CFAP20DC: variants seen among roughly 807,000 people sequenced by gnomAD.
The protein encoded by CFAP20DC is protein CFAP20DC.
Under a neutral mutation model 101.7 loss-of-function variants are expected in CFAP20DC, and 84 were observed. The ratio of observed to expected loss-of-function variants is 0.83; its 90% CI spans 0.69 to 0.99. The LOEUF (loss-of-function observed/expected upper bound fraction) is 0.99, where lower values mean the gene tolerates loss of function less well. CFAP20DC is among the 50% of genes least tolerant of loss of function. CFAP20DC has a pLI of 0.00. For missense variants in CFAP20DC, 1,007 were observed against 970.3 expected, an observed-to-expected ratio of 1.04 and a Z score of -0.50; for synonymous variants, 359 against 351.2, an observed-to-expected ratio of 1.02 and a Z score of -0.25.
In CFAP20DC at chr3:58,788,622, A is replaced by C. The variant is rs1309665156; in HGVS notation, c.2237+17773T>G. On this transcript the variant is annotated intron_variant, in intron 15 of 16. Transcript: ENST00000482387. The surrounding 1 kb of genome is among the most constrained non-coding windows in gnomAD (Gnocchi z 4.2). ...CAACAGCAATGACTACCACCACCACAGTGGAAAACACTTTGACAATCCAAT... is the reference window on the plus strand; with the variant it reads ...CAACAGCAATGACTACCACCACCACCGTGGAAAACACTTTGACAATCCAAT... 2.6e-5 allele frequency among the ~76,000 whole-genome samples: 4 copies of C among 152,082 alleles called. No homozygotes were observed. The highest frequency in any genetic ancestry group is 9.7e-5 in the African/African-American group (4 of 41,420).
At chr3:58,858,337 C>T (rs530962586) in intron 12 of CFAP20DC, among the ~76,000 whole-genome samples, 2 of 151,990 alleles carry the variant, frequency 1.3e-5, no homozygotes, top group Non-Finnish European at 1.5e-5. Context: ...ATATGTATGC[C>T]GAAGATGAGA....
intron 4 of CFAP20DC, among the ~76,000 whole-genome samples, chr3:59,011,282 C>G (rs889355691): frequency 1.3e-5 from 2 of 151,910 alleles, no homozygotes; most frequent in Non-Finnish European, 2.9e-5. Context: ...CCTGTAGTCC[C>G]AGCTACTCGG....
chr3:58,898,983 T>C (rs546975756), intron 6 of CFAP20DC, among the ~76,000 whole-genome samples: 1 of 152,138 alleles, frequency 6.6e-6, no homozygotes, highest in Non-Finnish European at 1.5e-5. Context: ...CAGACCCTAG[T>C]TGCCTTGTCT....
At position 58,874,036 on chromosome 3, in the gene CFAP20DC, G is replaced by A. The variant is rs2080520035; in HGVS notation, c.716-3727C>T. ...GCCGTAAGGCAGATTCAGACATCAG[G>A]TGACTCCTTAATTTATATCTCTTAG... On this transcript the variant is annotated intron_variant, in intron 7 of 16. Coordinates refer to ENST00000482387, the MANE Select transcript of CFAP20DC (RefSeq NM_001394063.1). This position sits in a 1 kb window ranked among gnomAD's most constrained non-coding sequence, Gnocchi z 5.1. Among the ~76,000 whole-genome samples the A allele has an allele frequency of 1.3e-5, 2 of 152,238 alleles. No homozygotes were observed. Among genetic ancestry groups the A allele is most frequent in the African/African-American group, 4.8e-5 (2 of 41,466 alleles).
intron 14 of CFAP20DC, among the ~76,000 whole-genome samples, chr3:58,808,116 T>C (rs2074266975): frequency 6.6e-6 from 1 of 152,114 alleles, no homozygotes; most frequent in African/African-American, 2.4e-5. Flanking sequence ...ACAGGGAGAA[T>C]GGAACCAAGT....
intron 5 of CFAP20DC, among the ~76,000 whole-genome samples, chr3:58,936,143 C>T (rs1355780574): frequency 2.0e-5 from 3 of 152,174 alleles, no homozygotes; most frequent in African/African-American, 4.8e-5. Context: ...CAAAAGAAGA[C>T]ATTTATGCAG....
At chr3:58,871,713 G>C (rs1041700746) in intron 7 of CFAP20DC, among the ~76,000 whole-genome samples, 6 of 151,838 alleles carry the variant, frequency 4.0e-5, no homozygotes, top group Non-Finnish European at 8.8e-5. Flanking sequence ...ATTTTTAGTA[G>C]GATGGGGTTT....
Position 58,973,354 on chromosome 3 carries a change from A to T in CFAP20DC, c.279-35592T>A, listed in dbSNP as rs2092066427. 2.6e-5 allele frequency among the ~76,000 whole-genome samples: 4 copies of T among 152,320 alleles called. No individual in the cohort carries two copies. In the South Asian group the frequency reaches 8.3e-4, roughly 32 times the overall value. On this transcript the variant is annotated intron_variant, in intron 4 of 16. Transcript: ENST00000482387. ...GCTTGACTCACATTTCTGTGCTAAA[A>T]GTTTATCAGTTACATGTTGAATCCA...
intron 12 of CFAP20DC, among the ~76,000 whole-genome samples, chr3:58,855,079 C>T (rs2078644768): frequency 1.3e-5 from 2 of 149,642 alleles, no homozygotes; most frequent in East Asian, 2.0e-4. Context: ...ATTTTCGCAA[C>T]CTACTCATCT....
At chr3:58,895,272 A>G (rs2082576237) in intron 6 of CFAP20DC, among the ~76,000 whole-genome samples, 2 of 152,192 alleles carry the variant, frequency 1.3e-5, no homozygotes, top group South Asian at 2.1e-4. Context: ...ACTTTTCAGA[A>G]CTTTCATGTT....
chr3:59,045,582 C>T (rs1324746586), intron 3 of CFAP20DC, among the ~76,000 whole-genome samples: 5 of 152,166 alleles, frequency 3.3e-5, no homozygotes, highest in African/African-American at 7.2e-5. Context: ...GATAAATCTG[C>T]GTTATCTCTC....
chr3:59,024,438 G>A (rs926670538), intron 4 of CFAP20DC, among the ~76,000 whole-genome samples: 2 of 152,142 alleles, frequency 1.3e-5, no homozygotes, highest in Non-Finnish European at 2.9e-5. Context: ...TTTGGAGGTG[G>A]AGAGTTGGTT....
intron 4 of CFAP20DC, among the ~76,000 whole-genome samples, chr3:58,966,317 T>C (rs2091522874): frequency 6.6e-6 from 1 of 152,196 alleles, no homozygotes; most frequent in Non-Finnish European, 1.5e-5. Context: ...ATGTCCTTAT[T>C]TGACCCTGTA....
At chr3:58,940,304 AAT>A (rs2088357556) in intron 4 of CFAP20DC, among the ~76,000 whole-genome samples, 1 of 152,222 alleles carries the variant, frequency 6.6e-6, no homozygotes, top group East Asian at 1.9e-4. Flanking sequence ...ATTTTCATGA[AAT>A]ATAGTTTACC....
chr3:58,982,695 C>T (rs1390170162), intron 4 of CFAP20DC, among the ~76,000 whole-genome samples: 10 of 111,868 alleles, frequency 8.9e-5, no homozygotes, highest in African/African-American at 3.2e-4. Context: ...CATCACACTT[C>T]GGAGACTGTT....
intron 6 of CFAP20DC, among the ~76,000 whole-genome samples, chr3:58,907,524 TTTGA>T (rs1459115930): frequency 1.3e-5 from 2 of 152,238 alleles, no homozygotes; most frequent in Non-Finnish European, 2.9e-5. Context: ...TATTTTTGTA[TTTGA>T]TTGGATCTCT....
intron 6 of CFAP20DC, among the ~76,000 whole-genome samples, chr3:58,886,519 C>G (rs2081638639): frequency 6.6e-6 from 1 of 151,452 alleles, no homozygotes; most frequent in Non-Finnish European, 1.5e-5. Context: ...GACCCAAGTT[C>G]AAGACCAGCC....
intron 4 of CFAP20DC, among the ~76,000 whole-genome samples, chr3:59,009,325 G>C (rs967845966): frequency 6.6e-6 from 1 of 151,954 alleles, no homozygotes; most frequent in Non-Finnish European, 1.5e-5. Context: ...GATTGAAGTA[G>C]AAATCTCTGA....
chr3:58,800,447 G>C (rs2073607282), intron 15 of CFAP20DC, among the ~76,000 whole-genome samples: 1 of 152,192 alleles, frequency 6.6e-6, no homozygotes, highest in Non-Finnish European at 1.5e-5. Flanking sequence ...CAAAGGTGGA[G>C]AGGGGTATTG....
Sources: gnomAD v4.1 joint callset for allele counts (sites outside exome capture counted in the v4.1 genomes callset) on GRCh38, gnomAD v4.1.1 for gene constraint, Gnocchi (gnomAD v3.1) non-coding constraint, MANE v1.5 for transcripts, NCBI Gene and HGNC (gene_info 2026-07-23, HGNC 2026-07-21) for gene names.